Variants in GRXCR2 observed in about 807,000 individuals in gnomAD.
The protein encoded by GRXCR2 is glutaredoxin and cysteine rich domain containing 2, also known as glutaredoxin domain-containing cysteine-rich protein 2.
A neutral mutation model predicts 24.8 loss-of-function variants in GRXCR2; 23 were observed. The observed-to-expected ratio is 0.93, with a 90% CI of 0.67 to 1.32. The LOEUF (loss-of-function observed/expected upper bound fraction) is 1.32, where lower values mean the gene tolerates loss of function less well. Among genes scored for constraint, GRXCR2 ranks in the 40% most tolerant of loss-of-function variants. GRXCR2 has a pLI of 0.00. For missense variants in GRXCR2, 315 were observed against 303.4 expected, an observed-to-expected ratio of 1.04 and a Z score of -0.28; for synonymous variants, 130 against 116.1, an observed-to-expected ratio of 1.12 and a Z score of -0.77.
Position 145,904,331 on chromosome 5 carries a change from G to A in GRXCR2, c.-70+31370C>T, listed in dbSNP as rs537555057. On this transcript the variant is annotated intron_variant, in intron 2 of 3. Coordinates refer to the GRXCR2 transcript ENST00000639411. ...TCCAGAGTAGGGCCCACAGTAACCC[G>A]GATCTGGCCTGATGGTTGATGGGAT... Among the ~76,000 whole-genome samples the A allele has an allele frequency of 8.5e-5, 13 of 152,288 alleles. No individual in the cohort carries two copies. In the East Asian group the frequency reaches 2.3e-3, roughly 27 times the overall value.
At chr5:145,891,992 C>G (rs1242443780) in intron 2 of GRXCR2, among the ~76,000 whole-genome samples, 1 of 152,168 alleles carries the variant, frequency 6.6e-6, no homozygotes. Context: ...CACTGTTCTG[C>G]AGCCTCCACT....
intron 2 of GRXCR2, among the ~76,000 whole-genome samples, chr5:145,927,878 C>T (rs1410321259): frequency 6.6e-6 from 1 of 152,050 alleles, no homozygotes; most frequent in African/African-American, 2.4e-5. Flanking sequence ...AAAGCAATGG[C>T]AACAAAAGCC....
chr5:145,903,639 G>A (rs568247586), intron 2 of GRXCR2, among the ~76,000 whole-genome samples: 1 of 152,246 alleles, frequency 6.6e-6, no homozygotes, highest in African/African-American at 2.4e-5. Context: ...CTAAAATCAT[G>A]GGTTTGAGTA....
chr5:145,923,222 C>T (rs189069890), intron 2 of GRXCR2, among the ~76,000 whole-genome samples: 68 of 152,288 alleles, frequency 4.5e-4, no homozygotes, highest in Middle Eastern at 3.4e-3. Context: ...TCCGGGACTA[C>T]ACTTGAGAAC....
At chr5:145,921,956 A>C (rs1257139127) in intron 2 of GRXCR2, among the ~76,000 whole-genome samples, 1 of 152,236 alleles carries the variant, frequency 6.6e-6, no homozygotes, top group Non-Finnish European at 1.5e-5. Flanking sequence ...AAGGAGACAT[A>C]AAATGATAAA....
At chr5:145,894,113 C>A (rs531073931) in intron 2 of GRXCR2, among the ~76,000 whole-genome samples, 4 of 152,218 alleles carry the variant, frequency 2.6e-5, no homozygotes, top group East Asian at 1.9e-4. Context: ...ATACCAGAAT[C>A]TCTGGGACAC....
intron 2 of GRXCR2, among the ~76,000 whole-genome samples, chr5:145,916,139 C>T (rs1159653360): frequency 6.6e-6 from 1 of 151,840 alleles, no homozygotes; most frequent in South Asian, 2.1e-4. Context: ...GCTCAGAGCC[C>T]CTGCTTCTGC....
rs372836728 is a variant in GRXCR2 at position 145,926,581 on chromosome 5, G to A, written c.-70+9120C>T. Among the ~76,000 whole-genome samples the A allele has an allele frequency of 6.6e-5, 10 of 152,188 alleles. No individual in the cohort carries two copies. In the South Asian group the frequency reaches 1.5e-3, roughly 22 times the overall value. On this transcript the variant is annotated intron_variant, in intron 2 of 3. Coordinates refer to the GRXCR2 transcript ENST00000639411. ...CTGAGGGCTCTGTTCTGTTCCATTG[G>A]TCTATATCTCTGTGTTGGTACCAGT...
At chr5:145,910,572 T>C (rs1019815040) in intron 2 of GRXCR2, among the ~76,000 whole-genome samples, 53 of 152,310 alleles carry the variant, frequency 3.5e-4, no homozygotes, top group African/African-American at 1.3e-3. Context: ...TTCTACTTTG[T>C]ATATACTTTC....
chr5:145,906,253 T>A (rs1381542205), intron 2 of GRXCR2, among the ~76,000 whole-genome samples: 2 of 152,070 alleles, frequency 1.3e-5, no homozygotes, highest in Non-Finnish European at 2.9e-5. Context: ...AGGGGAGTAT[T>A]TCATTCCTCT....
chr5:145,900,131 C>G (rs1398355352), intron 2 of GRXCR2, among the ~76,000 whole-genome samples: 1 of 152,064 alleles, frequency 6.6e-6, no homozygotes, highest in Non-Finnish European at 1.5e-5. Context: ...CTGCCCTAAT[C>G]TCATGTTGAA....
chr5:145,871,436 A>G (rs926124569), intron 1 of GRXCR2, among the ~76,000 whole-genome samples: 1 of 152,184 alleles, frequency 6.6e-6, no homozygotes, highest in Non-Finnish European at 1.5e-5. Context: ...TCCCTTAACA[A>G]CTTGGCACTC....
intron 2 of GRXCR2, among the ~76,000 whole-genome samples, chr5:145,919,930 T>C (rs2149928398): frequency 6.6e-6 from 1 of 152,136 alleles, no homozygotes; most frequent in African/African-American, 2.4e-5. Flanking sequence ...CAGAAATTTG[T>C]TTTTTAGTCT....
At chr5:145,912,987 T>C (rs1189495646) in intron 2 of GRXCR2, among the ~76,000 whole-genome samples, 1 of 152,238 alleles carries the variant, frequency 6.6e-6, no homozygotes, top group African/African-American at 2.4e-5. Flanking sequence ...CCTGGTCAAA[T>C]GGATTGTTGA....
intron 2 of GRXCR2, among the ~76,000 whole-genome samples, chr5:145,892,027 T>G (rs1756873083): frequency 6.6e-6 from 1 of 152,178 alleles, no homozygotes; most frequent in Non-Finnish European, 1.5e-5. Context: ...AAACAGGGTC[T>G]GGAGTGGACC....
intron 2 of GRXCR2, among the ~76,000 whole-genome samples, chr5:145,925,808 A>G (rs1347903426): frequency 2.0e-5 from 3 of 152,186 alleles, no homozygotes; most frequent in Non-Finnish European, 4.4e-5. Context: ...ACAGTCAGTT[A>G]TAGAAAATCA....
At chr5:145,920,384 T>C (rs1233748912) in intron 2 of GRXCR2, among the ~76,000 whole-genome samples, 1 of 152,198 alleles carries the variant, frequency 6.6e-6, no homozygotes, top group Admixed American at 6.5e-5. Context: ...CTTCAGGTGA[T>C]TCTGATGCTC....
At chr5:145,924,929 T>A (rs147994771) in intron 2 of GRXCR2, among the ~76,000 whole-genome samples, 1 of 152,150 alleles carries the variant, frequency 6.6e-6, no homozygotes. Flanking sequence ...AATAAATAAC[T>A]GCTTCAGGAA....
chr5:145,897,016 C>T lies in GRXCR2; in HGVS notation c.-69-30288G>A, dbSNP rs530651607. ...GGATGAAGCTGGAAACCATCATTCT[C>T]AGCAAACTATCGCAAGGACAAAAAA... On this transcript the variant is annotated intron_variant, in intron 2 of 3. Coordinates refer to the GRXCR2 transcript ENST00000639411. Among the ~76,000 whole-genome samples, 629 of 151,620 alleles carry T rather than the reference C, an allele frequency of 4.1e-3. 4 individuals carry two copies. Among genetic ancestry groups the T allele is most frequent in the Middle Eastern group, 6.8e-3 (2 of 294 alleles).
Sources: gnomAD v4.1 joint callset for allele counts (sites outside exome capture counted in the v4.1 genomes callset) on GRCh38, gnomAD v4.1.1 for gene constraint, MANE v1.5 for transcripts, NCBI Gene and HGNC (gene_info 2026-07-23, HGNC 2026-07-21) for gene names.